ST3GAL3: variants seen among roughly 807,000 people sequenced by gnomAD.
ST3GAL3 encodes the protein CMP-N-acetylneuraminate-beta-1,4-galactoside alpha-2,3-sialyltransferase.
In ST3GAL3, 21 loss-of-function variants were observed where a neutral mutation model predicts 50.1. The observed-to-expected ratio is 0.42, with a 90% CI of 0.30 to 0.60. The LOEUF (loss-of-function observed/expected upper bound fraction) is 0.60. Among genes scored for constraint, ST3GAL3 ranks in the 20% least tolerant of loss-of-function variants. The pLI, the probability that ST3GAL3 is intolerant of heterozygous loss-of-function variation, is 0.19. For missense variants in ST3GAL3, 353 were observed against 489.4 expected, an observed-to-expected ratio of 0.72 and a Z score of 2.63; for synonymous variants, 183 against 190.0, an observed-to-expected ratio of 0.96 and a Z score of 0.30.
At chr1:43,865,313 C>T (rs941346107) in intron 5 of ST3GAL3, among the ~76,000 whole-genome samples, 18 of 152,092 alleles carry the variant, frequency 1.2e-4, no homozygotes, top group African/African-American at 3.4e-4. Context: ...CCACCATGCC[C>T]GGTCATAACA....
intron 3 of ST3GAL3, among the ~76,000 whole-genome samples, chr1:43,801,873 G>A (rs970304560): frequency 4.6e-5 from 7 of 152,004 alleles, no homozygotes; most frequent in African/African-American, 9.7e-5. Context: ...GCAGCATTGC[G>A]CCTTTAGTCC....
Position 43,763,661 on chromosome 1 carries a change from A to G in ST3GAL3, c.118+27281A>G, listed in dbSNP as rs143424735. Among the ~76,000 whole-genome samples, 116 of 152,324 alleles carry G rather than the reference A, an allele frequency of 7.6e-4. 1 individual carries two copies. The highest frequency in any genetic ancestry group is 2.6e-3 in the African/African-American group (109 of 41,574). ...CCTTTTGATTGCCACAGGACAGATTAGCGCTGGAATGACTTCTGGCAAAAT... is the reference window on the plus strand; with the variant it reads ...CCTTTTGATTGCCACAGGACAGATTGGCGCTGGAATGACTTCTGGCAAAAT... On this transcript the variant is annotated intron_variant, in intron 2 of 11. Coordinates refer to ENST00000347631, the MANE Select transcript of ST3GAL3 (RefSeq NM_006279.5).
intron 2 of ST3GAL3, among the ~76,000 whole-genome samples, chr1:43,766,620 C>T (rs896049237): frequency 1.1e-4 from 16 of 151,956 alleles, no homozygotes; most frequent in Middle Eastern, 3.4e-3. Flanking sequence ...GTAGTGAGAC[C>T]GAGGATTGCA....
chr1:43,783,755 T>G (rs559587621), intron 2 of ST3GAL3, among the ~76,000 whole-genome samples: 178 of 152,106 alleles, frequency 1.2e-3, no homozygotes, highest in African/African-American at 3.9e-3. Flanking sequence ...CCCCGCAGTC[T>G]TAGAGGGCAG....
At chr1:43,760,862 T>C (rs1288334143) in intron 2 of ST3GAL3, among the ~76,000 whole-genome samples, 1 of 152,124 alleles carries the variant, frequency 6.6e-6, no homozygotes, top group Non-Finnish European at 1.5e-5. Context: ...TAAAATGTGG[T>C]ATATCCAAAC....
At chr1:43,886,390 TAAG>T (rs901176848) in intron 5 of ST3GAL3, among the ~76,000 whole-genome samples, 2 of 152,052 alleles carry the variant, frequency 1.3e-5, no homozygotes, top group African/African-American at 4.8e-5. Flanking sequence ...TAAAAATAAA[TAAG>T]AAATGATAAA....
chr1:43,811,036 G>A (rs1355595530), intron 3 of ST3GAL3, among the ~76,000 whole-genome samples: 4 of 152,196 alleles, frequency 2.6e-5, no homozygotes, highest in African/African-American at 9.7e-5. Context: ...TGCAGGAAAT[G>A]TCAAGGATCA....
intron 1 of ST3GAL3, chr1:43,708,164 G>C (rs966264672): frequency 6.6e-6 from 1 of 152,278 alleles, no homozygotes; most frequent in Middle Eastern, 3.2e-3. Flanking sequence ...CGCCTCTCTT[G>C]CTTCCTTTCC....
intron 11 of ST3GAL3, among the ~76,000 whole-genome samples, chr1:43,923,815 A>G (rs568589369): frequency 3.3e-5 from 5 of 151,802 alleles, no homozygotes; most frequent in African/African-American, 1.2e-4. Flanking sequence ...AGATTTTGCT[A>G]TGTTGCCCAA....
chr1:43,890,937 A>G (rs61770286), intron 5 of ST3GAL3, among the ~76,000 whole-genome samples: 14,512 of 152,200 alleles, frequency 0.095, 912 homozygotes, highest in South Asian at 0.23. Context: ...AATATGGGGC[A>G]TTCTACAGGA....
chr1:43,911,481 A>G (rs956708875), intron 9 of ST3GAL3, among the ~76,000 whole-genome samples: 7 of 151,652 alleles, frequency 4.6e-5, no homozygotes, highest in Non-Finnish European at 8.8e-5. Flanking sequence ...GACATTTTTC[A>G]AGGAAGGATA....
At chr1:43,885,749 C>G (rs1253003793) in intron 5 of ST3GAL3, among the ~76,000 whole-genome samples, 1 of 152,222 alleles carries the variant, frequency 6.6e-6, no homozygotes, top group Non-Finnish European at 1.5e-5. Flanking sequence ...AGGCCCCAGC[C>G]CATTTTCCAA....
chr1:43,856,219 A>G (rs906372254), intron 5 of ST3GAL3, among the ~76,000 whole-genome samples: 3 of 152,290 alleles, frequency 2.0e-5, no homozygotes, highest in African/African-American at 7.2e-5. Flanking sequence ...GACATCTCTT[A>G]TCAAGGAAGT....
intron 1 of ST3GAL3, among the ~76,000 whole-genome samples, chr1:43,712,727 T>C (rs975123392): frequency 6.6e-6 from 1 of 152,108 alleles, no homozygotes; most frequent in Non-Finnish European, 1.5e-5. Context: ...TGGGTGGATA[T>C]GGGTTTAAAA....
chr1:43,750,971 G>A (rs1685831890), intron 2 of ST3GAL3, among the ~76,000 whole-genome samples: 2 of 152,082 alleles, frequency 1.3e-5, no homozygotes, highest in South Asian at 4.1e-4. Flanking sequence ...AACAAGCCAG[G>A]AAAAATATTT....
At chr1:43,860,210 T>C in intron 5 of ST3GAL3, among the ~76,000 whole-genome samples, 1 of 152,192 alleles carries the variant, frequency 6.6e-6, no homozygotes, top group East Asian at 1.9e-4. Context: ...TTTTTAAACA[T>C]GGTCAGCAGC....
intron 5 of ST3GAL3, chr1:43,838,557 A>T (rs2064825693): frequency 2.2e-6 from 1 of 464,336 alleles, no homozygotes; most frequent in African/African-American, 2.0e-5. Flanking sequence ...AGGATAACCT[A>T]CATGGTTGCC....
At chr1:43,763,771 T>C (rs1572378211) in intron 2 of ST3GAL3, among the ~76,000 whole-genome samples, 1 of 152,114 alleles carries the variant, frequency 6.6e-6, no homozygotes, top group African/African-American at 2.4e-5. Context: ...GAGGAGGCAA[T>C]GGAGGGGTGA....
intron 2 of ST3GAL3, among the ~76,000 whole-genome samples, chr1:43,744,727 C>T (rs1484686938): frequency 6.8e-6 from 1 of 147,308 alleles, no homozygotes; most frequent in Non-Finnish European, 1.5e-5. Flanking sequence ...AATAGCCTGG[C>T]GTGGTGGTTT....
Sources: allele counts gnomAD v4.1 joint callset (sites outside exome capture counted in the v4.1 genomes callset), GRCh38; gene constraint gnomAD v4.1.1; transcripts MANE v1.5; gene names NCBI Gene and HGNC (gene_info 2026-07-23, HGNC 2026-07-21).